Variants in ANKS1B observed in about 807,000 individuals in gnomAD.
ANKS1B encodes the protein ankyrin repeat and sterile alpha motif domain containing 1B.
ANKS1B carries 36 observed loss-of-function variants against 148.3 expected under a neutral mutation model. That is an observed-to-expected ratio of 0.24 (90% CI 0.19 to 0.32). The LOEUF (loss-of-function observed/expected upper bound fraction) is 0.32. Among genes scored for constraint, ANKS1B ranks in the 10% least tolerant of loss-of-function variants. The pLI is 1.00. For synonymous variants in ANKS1B, 542 were observed against 560.8 expected, an observed-to-expected ratio of 0.97 and a Z score of 0.47; for missense variants, 1,157 against 1,542.6, an observed-to-expected ratio of 0.75 and a Z score of 4.19.
intron 8 of ANKS1B, among the ~76,000 whole-genome samples, chr12:99,726,172 A>C (rs1161810984): frequency 6.6e-6 from 1 of 152,120 alleles, no homozygotes; most frequent in African/African-American, 2.4e-5. Flanking sequence ...GACACAAAAA[A>C]CCCTCAAAAA....
intron 11 of ANKS1B, among the ~76,000 whole-genome samples, chr12:99,410,564 G>T (rs2094664037): frequency 6.6e-6 from 1 of 152,184 alleles, no homozygotes. Flanking sequence ...AGCTACTCGG[G>T]AGGCTGAGGC....
At position 99,316,251 on chromosome 12, in the gene ANKS1B, T is replaced by C. The variant is rs546276280; in HGVS notation, c.1757-69387A>G. 5.3e-4 allele frequency among the ~76,000 whole-genome samples: 81 copies of C among 152,270 alleles called. No homozygotes were observed. In the East Asian group the frequency reaches 0.012, roughly 22 times the overall value. Reference sequence around the variant, plus strand: ...GATCCTTGAGGAATTGCCACACTGTTTTCCACAATGGGTGAACTAGTTTAC... The same window carrying C: ...GATCCTTGAGGAATTGCCACACTGTCTTCCACAATGGGTGAACTAGTTTAC... On this transcript the variant is annotated intron_variant, in intron 12 of 26. Coordinates refer to ENST00000683438, the MANE Select transcript of ANKS1B (RefSeq NM_001352186.2).
chr12:98,938,811 G>C (rs2099827660), intron 17 of ANKS1B, among the ~76,000 whole-genome samples: 1 of 152,216 alleles, frequency 6.6e-6, no homozygotes, highest in Non-Finnish European at 1.5e-5. Context: ...AGGCTGAGCA[G>C]AGGATGAAAT....
At chr12:99,473,094 A>G (rs2096266625) in intron 10 of ANKS1B, among the ~76,000 whole-genome samples, 1 of 152,010 alleles carries the variant, frequency 6.6e-6, no homozygotes, top group Non-Finnish European at 1.5e-5. Context: ...TCATGAGTTA[A>G]TCACCATCCT....
intron 8 of ANKS1B, among the ~76,000 whole-genome samples, chr12:99,664,099 A>C (rs1285652224): frequency 2.0e-5 from 3 of 152,072 alleles, no homozygotes; most frequent in African/African-American, 7.2e-5. Context: ...TTTATGCACA[A>C]TACGCAGAAG....
At chr12:99,140,669 G>A (rs577157857) in intron 15 of ANKS1B, among the ~76,000 whole-genome samples, 2 of 152,208 alleles carry the variant, frequency 1.3e-5, no homozygotes, top group Admixed American at 6.5e-5. Context: ...ACTGGCCCAC[G>A]ATCTCACACC....
chr12:99,306,412 A>C (rs2082346619), intron 12 of ANKS1B, among the ~76,000 whole-genome samples: 1 of 151,970 alleles, frequency 6.6e-6, no homozygotes, highest in Non-Finnish European at 1.5e-5. Flanking sequence ...AATATTTAGA[A>C]AGTGTTTTCT....
At chr12:99,971,140 C>CAT (rs1297522590) in intron 1 of ANKS1B, among the ~76,000 whole-genome samples, 5 of 151,888 alleles carry the variant, frequency 3.3e-5, no homozygotes, top group African/African-American at 4.8e-5. Flanking sequence ...CTAATATATA[C>CAT]ATATATATAT....
intron 8 of ANKS1B, among the ~76,000 whole-genome samples, chr12:99,691,566 G>A (rs746487020): frequency 6.6e-6 from 1 of 152,174 alleles, no homozygotes; most frequent in Non-Finnish European, 1.5e-5. Flanking sequence ...TAGCAAGAGT[G>A]ACCTTTACTC....
At chr12:98,995,703 TC>T (rs1486047429) in intron 17 of ANKS1B, among the ~76,000 whole-genome samples, 3 of 152,208 alleles carry the variant, frequency 2.0e-5, no homozygotes, top group African/African-American at 7.2e-5. Flanking sequence ...ACATTGGACT[TC>T]ATGGAATGAA....
At chr12:98,749,920 G>C (rs2098031039) in intron 26 of ANKS1B, among the ~76,000 whole-genome samples, 1 of 152,134 alleles carries the variant, frequency 6.6e-6, no homozygotes, top group African/African-American at 2.4e-5. Context: ...ATTTGCTCAT[G>C]GGCTGGATAC....
intron 1 of ANKS1B, among the ~76,000 whole-genome samples, chr12:99,978,983 C>A (rs933544052): frequency 1.3e-5 from 2 of 152,050 alleles, no homozygotes; most frequent in Non-Finnish European, 2.9e-5. Context: ...AATTCTCTAT[C>A]CTATACTCAG....
intron 1 of ANKS1B, among the ~76,000 whole-genome samples, chr12:99,879,322 T>A (rs1236420288): frequency 6.6e-6 from 1 of 152,186 alleles, no homozygotes. Context: ...ATTATGCAGA[T>A]CACTTAATTC....
At chr12:99,632,765 A>T (rs1185268049) in intron 9 of ANKS1B, among the ~76,000 whole-genome samples, 1,825 of 81,518 alleles carry the variant, frequency 0.022, 104 homozygotes, top group African/African-American at 0.081. Flanking sequence ...ATATATATAT[A>T]TATTTTAATT....
intron 12 of ANKS1B, among the ~76,000 whole-genome samples, chr12:99,290,034 A>G (rs189884827): frequency 6.6e-6 from 1 of 151,950 alleles, no homozygotes; most frequent in Admixed American, 6.6e-5. Flanking sequence ...TAGCCAGACT[A>G]AGAAAAAAAC....
chr12:99,367,799 T>C (rs1032538000), intron 12 of ANKS1B, among the ~76,000 whole-genome samples: 50 of 141,554 alleles, frequency 3.5e-4, no homozygotes, highest in African/African-American at 1.4e-3. Flanking sequence ...TGTGTGTGTG[T>C]GTGTGTGTTG....
intron 8 of ANKS1B, among the ~76,000 whole-genome samples, chr12:99,749,437 G>A (rs2097264314): frequency 6.6e-6 from 1 of 152,082 alleles, no homozygotes; most frequent in Non-Finnish European, 1.5e-5. Flanking sequence ...GCAGATTCCA[G>A]ATTACATTGT....
At chr12:98,950,670 C>A (rs531783889) in intron 17 of ANKS1B, among the ~76,000 whole-genome samples, 4 of 152,220 alleles carry the variant, frequency 2.6e-5, no homozygotes, top group Admixed American at 1.3e-4. Flanking sequence ...ATGAAAATAA[C>A]CCCCAGGTAA....
At chr12:99,376,408 C>T (rs952569826) in intron 12 of ANKS1B, among the ~76,000 whole-genome samples, 1 of 152,098 alleles carries the variant, frequency 6.6e-6, no homozygotes, top group Non-Finnish European at 1.5e-5. Flanking sequence ...CTCTTTAATA[C>T]CAAGTTCACT....
Sources: allele counts gnomAD v4.1 joint callset (sites outside exome capture counted in the v4.1 genomes callset), GRCh38; gene constraint gnomAD v4.1.1; transcripts MANE v1.5; gene names NCBI Gene and HGNC (gene_info 2026-07-23, HGNC 2026-07-21).